CYBRD1: variants seen among roughly 807,000 people sequenced by gnomAD.
CYBRD1 encodes cytochrome b reductase 1, also known as plasma membrane ascorbate-dependent reductase CYBRD1.
In CYBRD1, 14 loss-of-function variants were observed where a neutral mutation model predicts 21.9. The observed-to-expected ratio is 0.64, with a 90% CI of 0.42 to 1.00. The LOEUF is 1.00. Ranked by LOEUF, CYBRD1 falls within the 50% of genes least tolerant of loss-of-function variation. CYBRD1 has a pLI of 0.00. For synonymous variants in CYBRD1, 146 were observed against 136.5 expected, an observed-to-expected ratio of 1.07 and a Z score of -0.48; for missense variants, 328 against 352.5, an observed-to-expected ratio of 0.93 and a Z score of 0.56.
intron 1 of CYBRD1, among the ~76,000 whole-genome samples, chr2:171,531,099 T>C (rs983889773): frequency 1.4e-5 from 2 of 139,198 alleles, no homozygotes; most frequent in Non-Finnish European, 3.0e-5. Flanking sequence ...GAGGCTGCAG[T>C]GAGCCATGAC....
chr2:171,554,442 A>C lies in CYBRD1; in HGVS notation c.558-82A>C, dbSNP rs1006813251. The C allele has an allele frequency of 1.2e-4, 176 of 1,450,514 alleles. No individual in the cohort carries two copies. The African/African-American group carries it at 2.3e-3, about 19-fold the overall frequency. 89.9% of individuals were successfully genotyped at this position (1,450,514 alleles called of 1,614,324 possible). On this transcript the variant is annotated intron_variant, in intron 3 of 3. Coordinates refer to ENST00000321348, the MANE Select transcript of CYBRD1 (RefSeq NM_024843.4). Reference sequence around the variant, plus strand: ...TTACATTGAAACTGTACTAGTGTGCATTTTGAGCAGATAAATTCAAGACTG... The same window carrying C: ...TTACATTGAAACTGTACTAGTGTGCCTTTTGAGCAGATAAATTCAAGACTG...
At chr2:171,532,245 A>G (rs750136900) in intron 1 of CYBRD1, among the ~76,000 whole-genome samples, 2 of 152,250 alleles carry the variant, frequency 1.3e-5, no homozygotes, top group Non-Finnish European at 2.9e-5. Context: ...GCATTCTGCC[A>G]AGGAGAGTGA....
Position 171,554,923 on chromosome 2 carries a change from T to G in CYBRD1, c.*96T>G. ...GCCATATGATAATTGGGCTATGTAG[T>G]ATCAATATTTACTTTAATCACAAAG... On this transcript the variant is annotated 3_prime_UTR_variant, in exon 4 of 4. Coordinates refer to ENST00000321348, the MANE Select transcript of CYBRD1 (RefSeq NM_024843.4). The G allele has an allele frequency of 7.9e-7, 1 of 1,267,466 alleles. No individual in the cohort carries two copies. The highest frequency in any genetic ancestry group is 1.5e-5 in the African/African-American group (1 of 66,944). 78.5% of individuals were successfully genotyped at this position (1,267,466 alleles called of 1,614,324 possible).
At chr2:171,541,908 A>G in intron 2 of CYBRD1, 115 bp downstream of exon 2, 1 of 888,658 alleles carries the variant, frequency 1.1e-6, no homozygotes, top group Non-Finnish European at 1.7e-6. Flanking sequence ...TTAGCCACCC[A>G]GGCTGGAGTG....
In CYBRD1 at chr2:171,522,572, C is replaced by G. The variant is rs139365788; in HGVS notation, c.27C>G (p.Phe9Leu). 39 of 1,609,300 alleles carry G rather than the reference C, an allele frequency of 2.4e-5. No individual in the cohort carries two copies. The East Asian group carries it at 8.7e-4, about 36-fold the overall frequency. Residue 9 changes from phenylalanine (F) to leucine (L), a missense_variant, in exon 1 of 4, where the codon TTC becomes TTG. Phe to Leu is a conservative substitution (Grantham distance 22, BLOSUM62 0). Transcript: ENST00000321348. The surrounding 1 kb of genome is among the most constrained non-coding windows in gnomAD (Gnocchi z 4.3). The stretch of plus-strand genomic sequence containing the variant: ...TGGCCATGGAGGGCTACTGGCGCTT[C>G]CTGGCGCTGCTGGGGTCGGCACTGC... MAMEGYWRFLALLGSALLV... is the reference protein window; with the variant it reads MAMEGYWRLLALLGSALLV...
At chr2:171,547,964 TG>T (rs149420987) in intron 2 of CYBRD1, among the ~76,000 whole-genome samples, 2,063 of 152,136 alleles carry the variant, frequency 0.014, 41 homozygotes, top group African/African-American at 0.046. Context: ...GAGCCAGGGT[TG>T]GGGTATTGCC....
At chr2:171,525,381 T>C (rs1697369498) in intron 1 of CYBRD1, among the ~76,000 whole-genome samples, 1 of 152,214 alleles carries the variant, frequency 6.6e-6, no homozygotes, top group South Asian at 2.1e-4. Context: ...TGAGCATAAA[T>C]GTTTTCATAC....
Position 171,555,046 on chromosome 2 carries a change from G to T in CYBRD1, c.*219G>T, listed in dbSNP as rs1047872335. Reference sequence around the variant, plus strand: ...ATAAATAATAGCAGATATAAATTGTGGTTATGTTACCTTTATCTTGTTGAG... The same window carrying T: ...ATAAATAATAGCAGATATAAATTGTTGTTATGTTACCTTTATCTTGTTGAG... On this transcript the variant is annotated 3_prime_UTR_variant, in exon 4 of 4. Coordinates refer to ENST00000321348, the MANE Select transcript of CYBRD1 (RefSeq NM_024843.4). 2 of 588,226 alleles carry T rather than the reference G, an allele frequency of 3.4e-6. No homozygotes were observed. Among genetic ancestry groups the T allele is most frequent in the Middle Eastern group, 4.7e-4 (1 of 2,144 alleles). The allele number at this position is 588,226 out of a possible 1,614,324, so 36.4% of individuals were successfully genotyped here.
chr2:171,522,408 C>A, upstream of CYBRD1: 1 of 1,502,586 alleles, frequency 6.7e-7, no homozygotes, highest in South Asian at 1.3e-5. The surrounding 1 kb of genome is among the most constrained non-coding windows in gnomAD (Gnocchi z 4.3). Flanking sequence ...GGGCCAGCAG[C>A]CCAGAAAGTC....
chr2:171,550,034 C>A (rs969671982), intron 2 of CYBRD1, among the ~76,000 whole-genome samples: 1 of 152,170 alleles, frequency 6.6e-6, no homozygotes, highest in Non-Finnish European at 1.5e-5. Flanking sequence ...AATACAGATT[C>A]CTGGGCCCTA....
At chr2:171,546,545 A>G (rs970495391) in intron 2 of CYBRD1, among the ~76,000 whole-genome samples, 1 of 152,142 alleles carries the variant, frequency 6.6e-6, no homozygotes, top group African/African-American at 2.4e-5. Flanking sequence ...TCAGCAGTGA[A>G]CCGAATACCC....
At chr2:171,552,723 C>A (rs181435685) in intron 2 of CYBRD1, among the ~76,000 whole-genome samples, 11 of 152,296 alleles carry the variant, frequency 7.2e-5, no homozygotes, top group African/African-American at 2.2e-4. Flanking sequence ...AAAGAGGTAT[C>A]CCACTAGCGA....
chr2:171,522,386 G>T (rs2105325312), upstream of CYBRD1: 3 of 1,495,220 alleles, frequency 2.0e-6, no homozygotes, highest in South Asian at 2.7e-5. The surrounding 1 kb of genome is among the most constrained non-coding windows in gnomAD (Gnocchi z 4.3). Flanking sequence ...CCCCCAAGAG[G>T]CCCCACATTC....
chr2:171,523,337 G>A (rs1378278339), intron 1 of CYBRD1: 4 of 357,778 alleles, frequency 1.1e-5, no homozygotes, highest in Admixed American at 4.0e-5. Context: ...CAAGGGGGGC[G>A]AGTGAAGCAT....
At chr2:171,551,769 G>T (rs1310270556) in intron 2 of CYBRD1, among the ~76,000 whole-genome samples, 1 of 152,046 alleles carries the variant, frequency 6.6e-6, no homozygotes. Context: ...ATTAAAAATG[G>T]TATCATTAAA....
At chr2:171,535,940 C>A (rs1697538711) in intron 1 of CYBRD1, among the ~76,000 whole-genome samples, 1 of 151,754 alleles carries the variant, frequency 6.6e-6, no homozygotes, top group African/African-American at 2.4e-5. Flanking sequence ...GTGCCTGGCC[C>A]CCACACTTTC....
At chr2:171,541,263 A>G (rs1697626607) in intron 1 of CYBRD1, 1 of 404,300 alleles carries the variant, frequency 2.5e-6, no homozygotes, top group Admixed American at 3.7e-5. Flanking sequence ...AGTCCCTGCC[A>G]TGGAGACAGC....
At chr2:171,545,537 T>A (rs1024719525) in intron 2 of CYBRD1, among the ~76,000 whole-genome samples, 4 of 146,716 alleles carry the variant, frequency 2.7e-5, no homozygotes, top group Non-Finnish European at 6.0e-5. Flanking sequence ...TGCCACAACA[T>A]GTGGCTAATT....
intron 1 of CYBRD1, among the ~76,000 whole-genome samples, chr2:171,527,692 C>T (rs1334646120): frequency 6.6e-6 from 1 of 152,136 alleles, no homozygotes; most frequent in Non-Finnish European, 1.5e-5. Flanking sequence ...AGTTCTCCCT[C>T]CTTTTTCTGC....
Sources: gnomAD v4.1 joint callset for allele counts (sites outside exome capture counted in the v4.1 genomes callset) on GRCh38, gnomAD v4.1.1 for gene constraint, Gnocchi (gnomAD v3.1) non-coding constraint, MANE v1.5 for transcripts, NCBI Gene and HGNC (gene_info 2026-07-23, HGNC 2026-07-21) for gene names.